Variants in AAK1 observed in about 807,000 individuals in gnomAD.
The protein encoded by AAK1 is AP2-associated protein kinase 1.
AAK1 carries 37 observed loss-of-function variants against 116.0 expected under a neutral mutation model. That is an observed-to-expected ratio of 0.32 (90% CI 0.25 to 0.42). AAK1 has a LOEUF of 0.42. AAK1 is among the 10% of genes least tolerant of loss of function. The pLI, the probability that AAK1 is intolerant of heterozygous loss-of-function variation, is 1.00. For missense variants in AAK1, 919 were observed against 1,170.6 expected (o/e 0.79, Z 3.14); for synonymous variants, 458 against 439.9 (o/e 1.04, Z -0.51).
rs1674362220 is a variant in AAK1 at position 69,462,370 on chromosome 2, A to G, written c.*13499T>C. 6.6e-6 allele frequency: 1 copy of G among 151,742 alleles called. No individual in the cohort carries two copies. The highest frequency in any genetic ancestry group is 1.5e-5 in the Non-Finnish European group (1 of 67,936). 9.4% of individuals were successfully genotyped at this position (151,742 alleles called of 1,614,324 possible). A position where few individuals can be genotyped will look rare whatever the true frequency, so the allele number is the denominator to read the frequency against. The stretch of plus-strand genomic sequence containing the variant: ...GTACCCTAAAACTTAAAGTATAATA[A>G]TAATTTAAAAAAAAAAAAAGAATTT... On this transcript the variant is annotated 3_prime_UTR_variant, in exon 22 of 22. Transcript: ENST00000409085.
intron 2 of AAK1, among the ~76,000 whole-genome samples, chr2:69,566,909 CCA>C (rs1308164736): frequency 3.3e-5 from 5 of 152,158 alleles, no homozygotes; most frequent in African/African-American, 1.2e-4. Flanking sequence ...CGTACTGCTG[CCA>C]CAGAGTTAGC....
chr2:69,563,270 G>A (rs1298734459), intron 2 of AAK1, among the ~76,000 whole-genome samples: 2 of 152,064 alleles, frequency 1.3e-5, no homozygotes, highest in South Asian at 2.1e-4. Flanking sequence ...CACTTTGCAA[G>A]GAAAAGTGAG....
Position 69,475,849 on chromosome 2 carries a change from C to T in AAK1, c.*20G>A, listed in dbSNP as rs374457570. On this transcript the variant is annotated 3_prime_UTR_variant, in exon 22 of 22. Transcript: ENST00000409085. Reference sequence around the variant, plus strand: ...TTACGGTATGAAGGTTACAGAACTGCATCTGCTACTGGGTCACGGCTACAG... The same window carrying T: ...TTACGGTATGAAGGTTACAGAACTGTATCTGCTACTGGGTCACGGCTACAG... 5.0e-6 allele frequency: 8 copies of T among 1,606,030 alleles called. No homozygotes were observed. Among genetic ancestry groups the T allele is most frequent in the Middle Eastern group, 1.6e-4 (1 of 6,072 alleles).
intron 2 of AAK1, among the ~76,000 whole-genome samples, chr2:69,563,844 A>T (rs529236509): frequency 6.6e-6 from 1 of 152,344 alleles, no homozygotes; most frequent in African/African-American, 2.4e-5. Context: ...GACGTAAATG[A>T]ACACTGAACA....
chr2:69,565,431 A>AGG (rs1372712535), intron 2 of AAK1, among the ~76,000 whole-genome samples: 1 of 152,248 alleles, frequency 6.6e-6, no homozygotes, highest in Non-Finnish European at 1.5e-5. Flanking sequence ...TGAAGTCAGC[A>AGG]GGTCATGTAC....
intron 17 of AAK1, among the ~76,000 whole-genome samples, chr2:69,483,047 C>G (rs1231591456): frequency 6.6e-6 from 1 of 152,130 alleles, no homozygotes; most frequent in African/African-American, 2.4e-5. Flanking sequence ...AAGATGCTGT[C>G]CTGGGTGCGT....
chr2:69,476,550 G>C (rs527247781), intron 21 of AAK1, among the ~76,000 whole-genome samples: 1 of 152,094 alleles, frequency 6.6e-6, no homozygotes, highest in Non-Finnish European at 1.5e-5. Context: ...ATTTATTATG[G>C]ATTATTCTAA....
chr2:69,519,247 T>A lies in AAK1; in HGVS notation c.1211-7A>T. Reference sequence around the variant, plus strand: ...CCAGGCTGATTGCTGGATCCTGCAATGAGAATAAAGTCCATGTAAGGGTTC... The same window carrying A: ...CCAGGCTGATTGCTGGATCCTGCAAAGAGAATAAAGTCCATGTAAGGGTTC... On this transcript the variant is annotated splice_region_variant and splice_polypyrimidine_tract_variant and intron_variant, in intron 11 of 21. Coordinates refer to ENST00000409085, the MANE Select transcript of AAK1 (RefSeq NM_014911.5). 1 of 1,559,756 alleles carries A rather than the reference T, an allele frequency of 6.4e-7. No individual in the cohort carries two copies. The highest frequency in any genetic ancestry group is 8.7e-7 in the Non-Finnish European group (1 of 1,152,946).
chr2:69,476,900 A>G lies in AAK1; in HGVS notation c.2771T>C (p.Leu924Ser). Residue 924 changes from leucine (L) to serine (S), a missense_variant, in exon 21 of 22, where the codon TTG (leucine) becomes TCG (serine). Leu to Ser is a moderately radical substitution (Grantham distance 145). This residue lies in a region of AAK1 where 263 missense variants were observed against 285.5 expected (regional missense o/e 0.92). Transcript: ENST00000409085. The part of the protein sequence containing the change: ...AEDEFDPIPV[L>S]ITKNPQGGHS... ...CTTACCTTGTGGGTTTTTGGTTATC[A>G]ATACAGGAATAGGGTCAAACTCATC... 6.2e-7 allele frequency: 1 copy of G among 1,613,512 alleles called. No individual in the cohort carries two copies. Among genetic ancestry groups the G allele is most frequent in the Non-Finnish European group, 8.5e-7 (1 of 1,179,710 alleles).
chr2:69,626,653 C>A (rs116168881), intron 2 of AAK1, among the ~76,000 whole-genome samples: 4,433 of 149,328 alleles, frequency 0.03, 223 homozygotes, highest in African/African-American at 0.1. Context: ...GTGCATTCCA[C>A]CATGCCTGGC....
intron 13 of AAK1, 95 bp from the exon 14 acceptor site, chr2:69,509,555 G>T: frequency 9.6e-7 from 1 of 1,037,874 alleles, no homozygotes; most frequent in Non-Finnish European, 1.4e-6. Context: ...AACAAAAAAT[G>T]CCACATAAGC....
At chr2:69,623,557 G>A (rs1422105171) in intron 2 of AAK1, among the ~76,000 whole-genome samples, 1 of 152,156 alleles carries the variant, frequency 6.6e-6, no homozygotes, top group East Asian at 1.9e-4. Context: ...TGTGGCTCAT[G>A]ACTGTAAGCA....
chr2:69,474,648 T>TCCA lies in AAK1; in HGVS notation c.*1218_*1220dup. The TCCA allele has an allele frequency of 2.0e-6, 2 of 985,728 alleles. No homozygotes were observed. Among genetic ancestry groups the TCCA allele is most frequent in the Non-Finnish European group, 2.4e-6 (2 of 829,920 alleles). 61.1% of individuals were successfully genotyped at this position (985,728 alleles called of 1,614,324 possible). ...GTAAGCTGGGCACACCCAGATTGTG[T>TCCA]CCAGCTTGTCAGCACACTTATTTCT... is the stretch of plus-strand genomic sequence containing the variant. On this transcript the variant is annotated 3_prime_UTR_variant, in exon 22 of 22. Coordinates refer to ENST00000409085, the MANE Select transcript of AAK1 (RefSeq NM_014911.5).
chr2:69,517,977 C>A (rs1266005544), intron 12 of AAK1, among the ~76,000 whole-genome samples: 1 of 151,994 alleles, frequency 6.6e-6, no homozygotes, highest in Non-Finnish European at 1.5e-5. Flanking sequence ...TAAAAATTAG[C>A]CAGGCATGGT....
chr2:69,529,293 C>T (rs1391179151), intron 8 of AAK1, among the ~76,000 whole-genome samples: 1 of 152,126 alleles, frequency 6.6e-6, no homozygotes, highest in Non-Finnish European at 1.5e-5. Context: ...ATAATCAATC[C>T]ATAACAGTTA....
At chr2:69,572,779 A>G (rs143983674) in intron 2 of AAK1, among the ~76,000 whole-genome samples, 1 of 152,308 alleles carries the variant, frequency 6.6e-6, no homozygotes, top group African/African-American at 2.4e-5. Context: ...CCAGGCACTG[A>G]TCTCTCTGTC....
chr2:69,532,224 G>T (rs2105027239), intron 5 of AAK1, 62 bp from the exon 6 acceptor site: 1 of 1,593,506 alleles, frequency 6.3e-7, no homozygotes, highest in Non-Finnish European at 8.6e-7. Context: ...GTGAAAATTT[G>T]GTTTCACAGT....
At chr2:69,518,835 T>C in intron 12 of AAK1, 119 bp downstream of exon 12, 4 of 1,384,706 alleles carry the variant, frequency 2.9e-6, no homozygotes, top group Non-Finnish European at 3.8e-6. Context: ...AGTATCTACA[T>C]CTATGAGAAA....
At chr2:69,592,378 G>C (rs959875931) in intron 2 of AAK1, among the ~76,000 whole-genome samples, 1 of 152,200 alleles carries the variant, frequency 6.6e-6, no homozygotes, top group Non-Finnish European at 1.5e-5. Context: ...CTGGCATCAA[G>C]TGGGCAGAGG....
Sources: gnomAD v4.1 joint callset for allele counts (sites outside exome capture counted in the v4.1 genomes callset) on GRCh38, gnomAD v4.1.1 for gene constraint, gnomAD v4.1.1 regional missense constraint, MANE v1.5 for transcripts, NCBI Gene and HGNC (gene_info 2026-07-23, HGNC 2026-07-21) for gene names.